The following TRAF3IP3 variants were observed in gnomAD, a reference collection of about 807,000 sequenced individuals.
TRAF3IP3 encodes the protein TRAF3-interacting JNK-activating modulator.
TRAF3IP3 carries 64 observed loss-of-function variants against 86.5 expected under a neutral mutation model. That is an observed-to-expected ratio of 0.74 (90% CI 0.60 to 0.91). The LOEUF (loss-of-function observed/expected upper bound fraction) is 0.91. Among genes scored for constraint, TRAF3IP3 ranks in the 40% least tolerant of loss-of-function variants. The pLI is 0.00. For synonymous variants in TRAF3IP3, 220 were observed against 243.9 expected, an observed-to-expected ratio of 0.90 and a Z score of 0.91; for missense variants, 579 against 642.9, an observed-to-expected ratio of 0.90 and a Z score of 1.07.
At chr1:209,775,979 C>T in intron 11 of TRAF3IP3, 2 of 400,336 alleles carry the variant, frequency 5.0e-6, no homozygotes, top group Non-Finnish European at 4.5e-6. Context: ...ACACCATCAC[C>T]ACCCAAATGA....
intron 8 of TRAF3IP3, among the ~76,000 whole-genome samples, chr1:209,770,160 A>C (rs1315387233): frequency 1.3e-5 from 2 of 152,232 alleles, no homozygotes; most frequent in African/African-American, 4.8e-5. Flanking sequence ...ACCATTAGAC[A>C]GCCCCAGCTT....
intron 13 of TRAF3IP3, 176 bp downstream of exon 13, chr1:209,778,349 G>T: frequency 1.9e-6 from 1 of 529,452 alleles, no homozygotes; most frequent in Non-Finnish European, 3.3e-6. Context: ...CATAAATTAT[G>T]TGTTAGCCTC....
intron 8 of TRAF3IP3, chr1:209,768,086 T>G (rs2077391412): frequency 1.1e-6 from 1 of 949,062 alleles, no homozygotes; most frequent in South Asian, 4.9e-5. Context: ...CAACTCTCTA[T>G]CTCTTCCATG....
chr1:209,769,549 G>A (rs972796391), intron 8 of TRAF3IP3, among the ~76,000 whole-genome samples: 5 of 152,220 alleles, frequency 3.3e-5, no homozygotes, highest in Non-Finnish European at 7.3e-5. Flanking sequence ...AGTAACACAG[G>A]AAGCTGAAAG....
At chr1:209,758,401 G>T (rs1250105142) in intron 1 of TRAF3IP3, 1 of 152,062 alleles carries the variant, frequency 6.6e-6, no homozygotes, top group Non-Finnish European at 1.5e-5. Context: ...GAGTGTCCAG[G>T]GCTTGACCAC....
At chr1:209,780,981 T>C (rs550849531) in intron 15 of TRAF3IP3, 2 of 189,348 alleles carry the variant, frequency 1.1e-5, no homozygotes, top group Non-Finnish European at 2.2e-5. Flanking sequence ...CCCAGAAGTA[T>C]TGATATGCAA....
intron 11 of TRAF3IP3, 83 bp from the exon 12 acceptor site, chr1:209,777,269 T>C (rs2077673862): frequency 7.8e-7 from 1 of 1,278,404 alleles, no homozygotes; most frequent in Admixed American, 2.2e-5. Context: ...CTTTTCTACA[T>C]TTTCCTCTTC....
At chr1:209,778,195 T>C in intron 13 of TRAF3IP3, 22 bp downstream of exon 13, 1 of 1,612,094 alleles carries the variant, frequency 6.2e-7, no homozygotes, top group Non-Finnish European at 8.5e-7. Flanking sequence ...TTCCAGATTC[T>C]GAAAGTCCAC....
Position 209,756,209 on chromosome 1 carries a change from T to A in TRAF3IP3, c.-260T>A, listed in dbSNP as rs2077153116. 6.6e-6 allele frequency: 1 copy of A among 152,264 alleles called. No homozygotes were observed. Among genetic ancestry groups the A allele is most frequent in the African/African-American group, 2.4e-5 (1 of 41,462 alleles). 9.4% of individuals were successfully genotyped at this position (152,264 alleles called of 1,614,324 possible). A position where few individuals can be genotyped will look rare whatever the true frequency, so the allele number is the denominator to read the frequency against. On this transcript the variant is annotated 5_prime_UTR_variant, in exon 1 of 17. Coordinates refer to ENST00000367025, the MANE Select transcript of TRAF3IP3 (RefSeq NM_025228.4). ...GACCTATGGATTGAAAGCGTGTGCT[T>A]TACCCATCTGCTGTCTTGCTCCATC...
chr1:209,781,360 T>C lies in TRAF3IP3; in HGVS notation c.1465T>C (p.Ser489Pro). 1 of 1,612,598 alleles carries C rather than the reference T, an allele frequency of 6.2e-7. No individual in the cohort carries two copies. Among genetic ancestry groups the C allele is most frequent in the Non-Finnish European group, 8.5e-7 (1 of 1,178,990 alleles). Residue 489 changes from serine to proline, a missense_variant, in exon 16 of 17, where the codon TCA (serine) becomes CCA (proline). Physicochemically the swap from Ser to Pro is moderately conservative, Grantham distance 74. Transcript: ENST00000367025. ...TTCTCCCCAGTGCAGAGAACTGCAT[T>C]CAGAATTAGACAACCTCAGTGACGA... ...AKEKECRELHSELDNLSDEYL... is the reference protein window; with the variant it reads ...AKEKECRELHPELDNLSDEYL...
intron 9 of TRAF3IP3, 48 bp downstream of exon 9, chr1:209,773,067 GAGA>G: frequency 6.6e-7 from 1 of 1,504,156 alleles, no homozygotes; most frequent in Non-Finnish European, 9.1e-7. Flanking sequence ...AGAATTAAAT[GAGA>G]AGAATGTTTT....
At chr1:209,771,252 G>C (rs1558020821) in intron 8 of TRAF3IP3, among the ~76,000 whole-genome samples, 1 of 141,718 alleles carries the variant, frequency 7.1e-6, no homozygotes, top group African/African-American at 2.7e-5. Context: ...TGCAGGTGGA[G>C]GTGTGTGTCC....
At chr1:209,775,796 A>G in intron 11 of TRAF3IP3, 60 bp downstream of exon 11, 3 of 1,518,734 alleles carry the variant, frequency 2.0e-6, no homozygotes, top group Non-Finnish European at 1.8e-6. Flanking sequence ...ATGGTGATGA[A>G]AGAAGCTGTT....
chr1:209,778,280 C>G, intron 13 of TRAF3IP3, 107 bp downstream of exon 13: 1 of 820,058 alleles, frequency 1.2e-6, no homozygotes, highest in Non-Finnish European at 2.0e-6. Flanking sequence ...GGCATATGCT[C>G]TAACTCTGTG....
rs536783362 is a variant in TRAF3IP3 at position 209,779,392 on chromosome 1, C to A, written c.1312+18C>A. On this transcript the variant is annotated intron_variant, in intron 14 of 16. Transcript: ENST00000367025. ...AAAGAAAGGTCAGCAAATTTATTAC[C>A]ACAAATTCTAAGATATTGCTCTTCT... The A allele has an allele frequency of 1.1e-5, 17 of 1,607,000 alleles. No homozygotes were observed. In the South Asian group the frequency reaches 1.9e-4, roughly 18 times the overall value.
chr1:209,779,767 G>A (rs1571967202), intron 14 of TRAF3IP3: 3 of 503,364 alleles, frequency 6.0e-6, no homozygotes, highest in East Asian at 7.0e-5. Flanking sequence ...AGAGTCTACT[G>A]TCCATGTTTC....
intron 8 of TRAF3IP3, among the ~76,000 whole-genome samples, chr1:209,769,473 T>C (rs984127991): frequency 2.0e-5 from 3 of 152,360 alleles, no homozygotes; most frequent in Admixed American, 2.0e-4. Context: ...GGAAAAACAT[T>C]AATAGCAGGA....
chr1:209,766,806 G>C (rs2077365409), intron 8 of TRAF3IP3, among the ~76,000 whole-genome samples: 1 of 152,240 alleles, frequency 6.6e-6, no homozygotes, highest in South Asian at 2.1e-4. Flanking sequence ...GGAGGTTGCA[G>C]TGAGCTGAGA....
chr1:209,773,430 G>A lies in TRAF3IP3; in HGVS notation c.774+411G>A, dbSNP rs140253784. ...TCTTACAAAATTATTTTCATTCCATGGGTAACTTTTTTCTGTTTTTTCTAG... is the reference window on the plus strand; with the variant it reads ...TCTTACAAAATTATTTTCATTCCATAGGTAACTTTTTTCTGTTTTTTCTAG... On this transcript the variant is annotated intron_variant, in intron 9 of 16. Coordinates refer to ENST00000367025, the MANE Select transcript of TRAF3IP3 (RefSeq NM_025228.4). Among the ~76,000 whole-genome samples the A allele has an allele frequency of 9.5e-4, 145 of 152,304 alleles. 1 individual carries two copies. Among genetic ancestry groups the A allele is most frequent in the African/African-American group, 3.3e-3 (139 of 41,566 alleles).
Sources: allele counts gnomAD v4.1 joint callset (sites outside exome capture counted in the v4.1 genomes callset), GRCh38; gene constraint gnomAD v4.1.1; transcripts MANE v1.5; gene names NCBI Gene and HGNC (gene_info 2026-07-23, HGNC 2026-07-21).